Variants in ZBTB20 observed in about 807,000 individuals in gnomAD.
The protein encoded by ZBTB20 is zinc finger and BTB domain-containing protein 20.
In ZBTB20, 9 loss-of-function variants were observed where a neutral mutation model predicts 56.9. The observed-to-expected ratio is 0.16, with a 90% confidence interval of 0.10 to 0.28. ZBTB20 has a LOEUF of 0.28. ZBTB20 is among the 10% of genes least tolerant of loss of function. ZBTB20 has a pLI of 1.00. For missense variants in ZBTB20, 655 were observed against 1,003.0 expected (o/e 0.65, Z 4.69); for synonymous variants, 417 against 420.7 (o/e 0.99, Z 0.11).
At chr3:114,735,418 G>A (rs1011592747) in intron 5 of ZBTB20, among the ~76,000 whole-genome samples, 6 of 152,012 alleles carry the variant, frequency 3.9e-5, no homozygotes. Flanking sequence ...TTATCAACTT[G>A]CTGGCTTAGA....
chr3:114,539,296 T>A (rs1481917425), intron 6 of ZBTB20, among the ~76,000 whole-genome samples: 1 of 152,198 alleles, frequency 6.6e-6, no homozygotes, highest in East Asian at 1.9e-4. Context: ...ACTTCTTTCA[T>A]AATTATTTGA....
chr3:114,912,130 G>GAA lies in ZBTB20; in HGVS notation c.-455-11790_-455-11789dup, dbSNP rs10575416. Among the ~76,000 whole-genome samples the GAA allele has an allele frequency of 2.5e-3, 340 of 136,670 alleles. 1 individual carries two copies. The highest frequency in any genetic ancestry group is 8.8e-3 in the African/African-American group (320 of 36,492). 89.7% of individuals were successfully genotyped at this position (136,670 alleles called of 152,430 possible). On this transcript the variant is annotated intron_variant, in intron 3 of 11. Coordinates refer to ENST00000675478, the MANE Select transcript of ZBTB20 (RefSeq NM_001348800.3). ...GAATAATAGATTCAAAGTGCTAAAA[G>GAA]AAAAAAAAAAAAAAACCTGCCAAAT...
chr3:114,888,746 A>C (rs2076698099), intron 4 of ZBTB20, among the ~76,000 whole-genome samples: 1 of 152,158 alleles, frequency 6.6e-6, no homozygotes, highest in African/African-American at 2.4e-5. Context: ...ATTAAAGATT[A>C]TGTTTGAATT....
At chr3:114,711,345 T>C (rs1387175176) in intron 5 of ZBTB20, among the ~76,000 whole-genome samples, 1 of 152,206 alleles carries the variant, frequency 6.6e-6, no homozygotes, top group African/African-American at 2.4e-5. Context: ...AATGACTGAA[T>C]GAATAAGTAG....
At chr3:114,784,444 C>G in intron 5 of ZBTB20, among the ~76,000 whole-genome samples, 1 of 152,134 alleles carries the variant, frequency 6.6e-6, no homozygotes, top group African/African-American at 2.4e-5. Context: ...TTTAAAAACC[C>G]AGCCACTGAT....
At chr3:114,456,964 G>A (rs1400289101) in intron 7 of ZBTB20, among the ~76,000 whole-genome samples, 1 of 152,236 alleles carries the variant, frequency 6.6e-6, no homozygotes, top group Non-Finnish European at 1.5e-5. Flanking sequence ...CATAGCCAGA[G>A]TAATTTAGTT....
intron 6 of ZBTB20, among the ~76,000 whole-genome samples, chr3:114,652,915 A>G (rs1331037774): frequency 5.9e-5 from 9 of 151,958 alleles, no homozygotes; most frequent in Non-Finnish European, 4.4e-5. Context: ...AGGCTACTGT[A>G]AATTGATTTT....
At chr3:114,776,536 G>A (rs1488494923) in intron 5 of ZBTB20, among the ~76,000 whole-genome samples, 3 of 152,210 alleles carry the variant, frequency 2.0e-5, no homozygotes, top group Non-Finnish European at 4.4e-5. Flanking sequence ...CAGCCCTGCT[G>A]ACATCTTGCT....
At chr3:114,859,715 A>C (rs1207863924) in intron 4 of ZBTB20, among the ~76,000 whole-genome samples, 1 of 152,058 alleles carries the variant, frequency 6.6e-6, no homozygotes, top group African/African-American at 2.4e-5. Flanking sequence ...AGACTGCAAT[A>C]GCTAGTGAAG....
At chr3:115,003,742 G>T (rs2079351913) in intron 2 of ZBTB20, among the ~76,000 whole-genome samples, 1 of 151,512 alleles carries the variant, frequency 6.6e-6, no homozygotes. Context: ...TCAGGTGACA[G>T]GCATGTTTCA....
Position 114,790,350 on chromosome 3 carries a change from C to A in ZBTB20, c.-343+10751G>T, listed in dbSNP as rs984100695. Among the ~76,000 whole-genome samples the A allele has an allele frequency of 2.6e-5, 4 of 152,050 alleles. No individual in the cohort carries two copies. In the East Asian group the frequency reaches 7.7e-4, roughly 29 times the overall value. On this transcript the variant is annotated intron_variant, in intron 5 of 11. Transcript: ENST00000675478. ...TTTTGTTCCCAACTCTGTGAAATAA[C>A]CAATGTGAAGAATATGGTATGAATT...
chr3:114,888,264 A>AC (rs1420315913), intron 4 of ZBTB20, among the ~76,000 whole-genome samples: 4 of 151,930 alleles, frequency 2.6e-5, no homozygotes, highest in Non-Finnish European at 5.9e-5. Context: ...ACAAAAAAAA[A>AC]ATTTAAACAT....
At chr3:114,880,120 G>A (rs960463166) in intron 4 of ZBTB20, among the ~76,000 whole-genome samples, 8 of 152,288 alleles carry the variant, frequency 5.3e-5, no homozygotes, top group East Asian at 1.9e-4. Flanking sequence ...AATCTTTTAT[G>A]TATTTTCTGT....
At chr3:115,139,458 A>G (rs904264377) in intron 1 of ZBTB20, among the ~76,000 whole-genome samples, 1 of 152,044 alleles carries the variant, frequency 6.6e-6, no homozygotes, top group African/African-American at 2.4e-5. Flanking sequence ...GTCTTTTCTA[A>G]CAGATTCTTT....
chr3:114,467,564 C>T (rs2092601992), intron 7 of ZBTB20, among the ~76,000 whole-genome samples: 1 of 152,188 alleles, frequency 6.6e-6, no homozygotes, highest in Admixed American at 6.5e-5. Context: ...GAGTCTTCAT[C>T]ACTGTACTCA....
At position 114,478,932 on chromosome 3, in the gene ZBTB20, C is replaced by T. The variant is rs192307441; in HGVS notation, c.-255+21420G>A. 2.0e-5 allele frequency among the ~76,000 whole-genome samples: 3 copies of T among 152,308 alleles called. No homozygotes were observed. The East Asian group carries it at 5.8e-4, about 29-fold the overall frequency. On this transcript the variant is annotated intron_variant, in intron 7 of 11. Transcript: ENST00000675478. ...TACTAAAGGGGATGCTGCAATTCCT[C>T]TGCCTCAGACAGTACATTTATGCAT...
chr3:115,006,692 C>T (rs1490116093), intron 2 of ZBTB20, among the ~76,000 whole-genome samples: 1 of 151,666 alleles, frequency 6.6e-6, no homozygotes, highest in Non-Finnish European at 1.5e-5. Flanking sequence ...CTATCATGCA[C>T]CTGGCACCTG....
intron 10 of ZBTB20, among the ~76,000 whole-genome samples, chr3:114,352,910 C>T (rs2080827461): frequency 6.6e-6 from 1 of 152,120 alleles, no homozygotes; most frequent in Non-Finnish European, 1.5e-5. Context: ...TTAAACAGCT[C>T]CCAGGAGGAA....
At chr3:114,965,484 G>A (rs928889378) in intron 3 of ZBTB20, among the ~76,000 whole-genome samples, 7 of 152,064 alleles carry the variant, frequency 4.6e-5, no homozygotes, top group Admixed American at 4.6e-4. Context: ...TATACTCTCC[G>A]TTTCTATGAG....
Sources: allele counts gnomAD v4.1 joint callset (sites outside exome capture counted in the v4.1 genomes callset), GRCh38; gene constraint gnomAD v4.1.1; transcripts MANE v1.5; gene names NCBI Gene and HGNC (gene_info 2026-07-23, HGNC 2026-07-21).